The following HHLA1 variants were observed in gnomAD, a reference collection of about 807,000 sequenced individuals.
The protein encoded by HHLA1 is HERV-H LTR-associating protein 1.
Under a neutral mutation model 69.9 loss-of-function variants are expected in HHLA1, and 72 were observed. The ratio of observed to expected loss-of-function variants is 1.03; its 90% CI spans 0.85 to 1.25. HHLA1 has a LOEUF of 1.25. Ranked by LOEUF, HHLA1 falls within the 50% of genes most tolerant of loss-of-function variation. The probability of loss-of-function intolerance (pLI) is 0.00; values close to 1 mark genes in which losing one functional copy is unlikely to be tolerated. For missense variants in HHLA1, 685 were observed against 642.2 expected, an observed-to-expected ratio of 1.07 and a Z score of -0.72; for synonymous variants, 252 against 233.2, an observed-to-expected ratio of 1.08 and a Z score of -0.73.
intron 1 of HHLA1, among the ~76,000 whole-genome samples, chr8:132,109,883 G>A (rs187033222): frequency 5.3e-5 from 8 of 152,252 alleles, no homozygotes; most frequent in Non-Finnish European, 8.8e-5. Context: ...TCACACTCCC[G>A]GGAGAAGGGC....
At chr8:132,078,214 C>T (rs1216100321) in intron 11 of HHLA1, among the ~76,000 whole-genome samples, 1 of 134,956 alleles carries the variant, frequency 7.4e-6, no homozygotes, top group African/African-American at 2.7e-5. Context: ...ACACACACAA[C>T]CTCTAAATCT....
chr8:132,077,728 A>ACCCG lies in HHLA1; in HGVS notation c.1168_1169insCGGG (p.Leu390SerfsTer27). The ACCCG allele has an allele frequency of 6.4e-7, 1 of 1,551,182 alleles. No individual in the cohort carries two copies. On this transcript the variant is annotated frameshift_variant, in exon 12 of 17. Coordinates refer to ENST00000414222, the MANE Select transcript of HHLA1 (RefSeq NM_001145095.3). LOFTEE classifies it high-confidence loss of function. ...TAGAAGTGAGCACCCTCTCTTACCC[A>ACCCG]AGGTAGGGCTGGCCTGGGATGGGCT...
intron 12 of HHLA1, 138 bp downstream of exon 12, chr8:132,077,588 G>C (rs776572520): frequency 3.9e-5 from 33 of 836,414 alleles, no homozygotes; most frequent in Non-Finnish European, 5.8e-5. Flanking sequence ...GGAGAAGGAA[G>C]AGTTTGCTTC....
At chr8:132,105,105 G>T in intron 2 of HHLA1, 82 bp downstream of exon 2, 1 of 1,003,876 alleles carries the variant, frequency 1.0e-6, no homozygotes, top group Non-Finnish European at 1.5e-6. Flanking sequence ...AGAAATGTTG[G>T]CTGCTGAGGT....
At chr8:132,087,521 T>C (rs2130889748) in intron 10 of HHLA1, 132 bp downstream of exon 10, 1 of 614,834 alleles carries the variant, frequency 1.6e-6, no homozygotes, top group South Asian at 2.3e-5. Context: ...TTTTTTAAAA[T>C]GACGAAGTTC....
intron 1 of HHLA1, among the ~76,000 whole-genome samples, chr8:132,105,643 T>A (rs986735901): frequency 5.3e-5 from 8 of 152,186 alleles, no homozygotes; most frequent in Admixed American, 1.3e-4. Context: ...AGCTGTGGGA[T>A]TATGCACCAA....
At chr8:132,073,740 A>G (rs1344452096) in intron 14 of HHLA1, among the ~76,000 whole-genome samples, 1 of 152,164 alleles carries the variant, frequency 6.6e-6, no homozygotes, top group Non-Finnish European at 1.5e-5. Context: ...AACTCAGGAA[A>G]TGACACTTGG....
In HHLA1 at chr8:132,087,855, TG is replaced by T. The variant is rs764384425; in HGVS notation, c.578del (p.Thr193LysfsTer14). 24 of 1,551,562 alleles carry T rather than the reference TG, an allele frequency of 1.5e-5. 2 individuals are homozygous for T. In the Middle Eastern group the frequency reaches 1.0e-3, roughly 65 times the overall value. On this transcript the variant is annotated frameshift_variant, in exon 9 of 17. Coordinates refer to ENST00000414222, the MANE Select transcript of HHLA1 (RefSeq NM_001145095.3). LOFTEE classifies it high-confidence loss of function. Reference protein sequence around the residue: ...ESDCIFICVMTGKSGRNLSDF... With the variant: ...ESDCIFICVMXGKSGRNLSDF... ...TGTCTAGTGGTTTACCTGACTTTCCTGTCATCACACAGATGAAGATGCAATC... is the reference window on the plus strand; with the variant it reads ...TGTCTAGTGGTTTACCTGACTTTCCTTCATCACACAGATGAAGATGCAATC...
intron 10 of HHLA1, chr8:132,080,854 A>T (rs1823740220): frequency 6.6e-6 from 1 of 152,066 alleles, no homozygotes. Flanking sequence ...GATTAAGCTG[A>T]AGGGAGGTCT....
chr8:132,073,987 C>T (rs570108734), intron 14 of HHLA1, among the ~76,000 whole-genome samples: 6 of 152,196 alleles, frequency 3.9e-5, no homozygotes, highest in Non-Finnish European at 7.3e-5. Flanking sequence ...GTCAGAGGAA[C>T]CTTTCTGCAA....
chr8:132,068,654 C>A (rs1164928927), intron 15 of HHLA1, among the ~76,000 whole-genome samples: 1 of 152,236 alleles, frequency 6.6e-6, no homozygotes, highest in Non-Finnish European at 1.5e-5. Flanking sequence ...ATTACACCAG[C>A]CCCTTGTAGG....
At chr8:132,095,975 A>C (rs1021184761) in intron 5 of HHLA1, among the ~76,000 whole-genome samples, 189 bp from the exon 6 acceptor site, 1 of 152,262 alleles carries the variant, frequency 6.6e-6, no homozygotes, top group Admixed American at 6.5e-5. Context: ...AAAGCTGAAG[A>C]GTATGTATCA....
intron 7 of HHLA1, among the ~76,000 whole-genome samples, chr8:132,090,171 T>A (rs186719717): frequency 5.3e-5 from 8 of 152,328 alleles, no homozygotes; most frequent in African/African-American, 1.9e-4. Flanking sequence ...GTGTCTGAGA[T>A]AACTTTTTCA....
At chr8:132,066,250 T>A (rs1263359931) in intron 15 of HHLA1, among the ~76,000 whole-genome samples, 1 of 152,166 alleles carries the variant, frequency 6.6e-6, no homozygotes, top group African/African-American at 2.4e-5. Context: ...CTCTGGACTT[T>A]AATTTTCTCA....
chr8:132,069,836 A>G (rs1295891156), intron 15 of HHLA1: 1 of 152,576 alleles, frequency 6.6e-6, no homozygotes, highest in Non-Finnish European at 1.5e-5. Context: ...GATATACAGC[A>G]GAGACTCAAT....
chr8:132,070,074 C>T (rs958554802), intron 15 of HHLA1: 2 of 176,564 alleles, frequency 1.1e-5, no homozygotes, highest in Non-Finnish European at 2.3e-5. Context: ...AATGGCTGTC[C>T]ACCTGGGCTT....
intron 4 of HHLA1, 111 bp downstream of exon 4, chr8:132,099,964 G>A (rs1824086835): frequency 1.3e-6 from 1 of 758,862 alleles, no homozygotes; most frequent in Non-Finnish European, 2.3e-6. Context: ...ATCAGATAAT[G>A]ATTAAAGAGA....
chr8:132,111,047 T>C (rs1208393600), intron 1 of HHLA1, 55 bp downstream of exon 1: 1 of 152,172 alleles, frequency 6.6e-6, no homozygotes, highest in Non-Finnish European at 1.5e-5. Context: ...GCTTCATGCT[T>C]TGAAGAGGAG....
chr8:132,102,477 C>T (rs1268181948), intron 3 of HHLA1, among the ~76,000 whole-genome samples: 2 of 152,260 alleles, frequency 1.3e-5, no homozygotes, highest in Non-Finnish European at 2.9e-5. Context: ...GACAGACATA[C>T]TTAAGCAGGG....
Sources: gnomAD v4.1 joint callset for allele counts (sites outside exome capture counted in the v4.1 genomes callset) on GRCh38, gnomAD v4.1.1 for gene constraint, MANE v1.5 for transcripts, NCBI Gene and HGNC (gene_info 2026-07-23, HGNC 2026-07-21) for gene names.